Variants in CABLES1 observed in about 807,000 individuals in gnomAD.
The protein encoded by CABLES1 is CDK5 and ABL1 enzyme substrate 1.
CABLES1 carries 36 observed loss-of-function variants against 57.8 expected under a neutral mutation model. That is an observed-to-expected ratio of 0.62 (90% CI 0.48 to 0.82). CABLES1 has a LOEUF of 0.82. Among genes scored for constraint, CABLES1 ranks in the 40% least tolerant of loss-of-function variants. The pLI, the probability that CABLES1 is intolerant of heterozygous loss-of-function variation, is 0.00. For missense variants in CABLES1, 767 were observed against 836.6 expected (o/e 0.92, Z 1.03); for synonymous variants, 374 against 363.0 (o/e 1.03, Z -0.35).
chr18:23,192,853 A>T (rs2047254802), intron 2 of CABLES1, among the ~76,000 whole-genome samples: 1 of 152,100 alleles, frequency 6.6e-6, no homozygotes, highest in Admixed American at 6.6e-5. Flanking sequence ...CAGAGAGCAA[A>T]AGGCAGAGTG....
Position 23,188,883 on chromosome 18 carries a change from T to C in CABLES1, c.891T>C (p.Asp297=), listed in dbSNP as rs1443695616. 7.4e-6 allele frequency: 12 copies of C among 1,613,724 alleles called. No homozygotes were observed. Among genetic ancestry groups the C allele is most frequent in the Non-Finnish European group, 1.0e-5 (12 of 1,179,752 alleles). ...SQRSSLETLE[D]IEENAPLRRC... is the part of the protein sequence containing the mutation. ...GATCTTCCTTGGAGACCCTGGAAGATATTGAGGAGAACGCCCCTCTCCGGA... is the reference window on the plus strand; with the variant it reads ...GATCTTCCTTGGAGACCCTGGAAGACATTGAGGAGAACGCCCCTCTCCGGA... Residue 297 remains aspartate, a synonymous_variant, in exon 2 of 10, where the codon GAT becomes GAC. Coordinates refer to ENST00000256925, the MANE Select transcript of CABLES1 (RefSeq NM_001100619.3).
chr18:23,181,496 C>CAAAAAAAAAAAAAAAAAAAAAA (rs59742943), intron 1 of CABLES1, among the ~76,000 whole-genome samples: 1 of 35,398 alleles, frequency 2.8e-5, no homozygotes, highest in Non-Finnish European at 5.1e-5. Context: ...AGCTTCGTCT[C>CAAAAAAAAAAAAAAAAAAAAAA]AAAAAAAAAA....
At position 23,136,448 on chromosome 18, in the gene CABLES1, C is replaced by G. The variant is rs746391362; in HGVS notation, c.686C>G (p.Thr229Ser). The G allele has an allele frequency of 6.2e-7, 1 of 1,602,718 alleles. No homozygotes were observed. The highest frequency in any genetic ancestry group is 8.5e-7 in the Non-Finnish European group (1 of 1,176,386). The change falls in exon 1 of 10, where the codon ACC becomes AGC. Residue 229 changes from threonine (T) to serine (S), a missense_variant. Thr to Ser is a moderately conservative substitution (Grantham distance 58). This residue lies in a region of CABLES1 where 529 missense variants were observed against 622.8 expected (regional missense o/e 0.85). Coordinates refer to ENST00000256925, the MANE Select transcript of CABLES1 (RefSeq NM_001100619.3). ...GCGGCCGCCTTTTTGGGCTCCGGGA[C>G]CCCCGGGAGTGGGAGCGGCAGTCGG... ...VPAAAFLGSG[T>S]PGSGSGSRGR...
chr18:23,182,814 G>C (rs1010771028), intron 1 of CABLES1, among the ~76,000 whole-genome samples: 1 of 152,190 alleles, frequency 6.6e-6, no homozygotes, highest in Non-Finnish European at 1.5e-5. Context: ...GCCTTGATCA[G>C]CTTGCCCCAC....
intron 7 of CABLES1, among the ~76,000 whole-genome samples, chr18:23,249,922 T>G (rs1328777306): frequency 6.6e-6 from 1 of 152,212 alleles, no homozygotes; most frequent in African/African-American, 2.4e-5. Context: ...GAGACCAGGA[T>G]CCCAGCGCTG....
chr18:23,171,405 C>T (rs1209111468), intron 1 of CABLES1, among the ~76,000 whole-genome samples: 2 of 152,180 alleles, frequency 1.3e-5, no homozygotes, highest in South Asian at 2.1e-4. Context: ...TATAATGTGA[C>T]GAGCTCTGTC....
intron 1 of CABLES1, among the ~76,000 whole-genome samples, chr18:23,167,170 A>G (rs951611945): frequency 1.7e-4 from 26 of 151,956 alleles, no homozygotes; most frequent in Non-Finnish European, 3.5e-4. Context: ...TAATATTTTT[A>G]TGTTTGCTTA....
intron 7 of CABLES1, among the ~76,000 whole-genome samples, chr18:23,239,933 C>T (rs890465673): frequency 2.0e-5 from 3 of 152,120 alleles, no homozygotes; most frequent in Non-Finnish European, 2.9e-5. Flanking sequence ...GCCTGGCCAA[C>T]GTGGTAAAAC....
chr18:23,239,674 C>G (rs2047687470), intron 7 of CABLES1, among the ~76,000 whole-genome samples: 1 of 152,182 alleles, frequency 6.6e-6, no homozygotes, highest in African/African-American at 2.4e-5. Context: ...TGATTGAGGC[C>G]TTATTATGAG....
chr18:23,178,194 A>G (rs768857260), intron 1 of CABLES1, among the ~76,000 whole-genome samples: 8 of 150,722 alleles, frequency 5.3e-5, no homozygotes, highest in Non-Finnish European at 1.0e-4. Flanking sequence ...TCAGCCACAC[A>G]AAACCTTTTC....
intron 4 of CABLES1, among the ~76,000 whole-genome samples, chr18:23,215,462 G>T (rs1182119656): frequency 6.6e-6 from 1 of 152,218 alleles, no homozygotes; most frequent in Non-Finnish European, 1.5e-5. Context: ...CACCTCCAGG[G>T]TGTCTGTATT....
intron 2 of CABLES1, among the ~76,000 whole-genome samples, chr18:23,189,843 G>A (rs1405194473): frequency 6.6e-6 from 1 of 152,242 alleles, no homozygotes; most frequent in Non-Finnish European, 1.5e-5. Flanking sequence ...TCACTCCCAG[G>A]GCAGAGCCCA....
chr18:23,145,350 C>A lies in CABLES1; in HGVS notation c.845+8743C>A, dbSNP rs557723644. On this transcript the variant is annotated intron_variant, in intron 1 of 9. Transcript: ENST00000256925. ...CCTTGTGATCCACCCGTCTCGGCCT[C>A]CCAAAGTGCTGGGATTACAGGTGTG... 4.6e-5 allele frequency among the ~76,000 whole-genome samples: 7 copies of A among 152,070 alleles called. No homozygotes were observed. The East Asian group carries it at 1.3e-3, about 29-fold the overall frequency.
At chr18:23,151,435 A>G (rs926568385) in intron 1 of CABLES1, among the ~76,000 whole-genome samples, 2 of 152,192 alleles carry the variant, frequency 1.3e-5, no homozygotes, top group African/African-American at 4.8e-5. Flanking sequence ...TGAGACACAC[A>G]GTAGCCTGGA....
chr18:23,226,461 A>G (rs1159317846), intron 4 of CABLES1, among the ~76,000 whole-genome samples: 2 of 150,330 alleles, frequency 1.3e-5, no homozygotes, highest in Admixed American at 6.6e-5. Context: ...AAGAGGAGAG[A>G]CTCAACTTCC....
intron 1 of CABLES1, among the ~76,000 whole-genome samples, chr18:23,163,346 A>G (rs1756424870): frequency 6.6e-6 from 1 of 152,226 alleles, no homozygotes; most frequent in African/African-American, 2.4e-5. Flanking sequence ...TTTAGGCATC[A>G]TCAGTATGTA....
intron 1 of CABLES1, among the ~76,000 whole-genome samples, chr18:23,178,523 T>C (rs940122265): frequency 1.3e-5 from 2 of 152,238 alleles, no homozygotes; most frequent in African/African-American, 2.4e-5. Flanking sequence ...TGTTCTGACC[T>C]TCCCTCTAGA....
intron 4 of CABLES1, among the ~76,000 whole-genome samples, chr18:23,226,779 T>C (rs187866967): frequency 6.6e-6 from 1 of 152,234 alleles, no homozygotes; most frequent in East Asian, 1.9e-4. Context: ...GAGATCTGGA[T>C]GTGGGTTGGT....
chr18:23,240,511 C>G (rs1469147527), intron 7 of CABLES1, among the ~76,000 whole-genome samples: 2 of 152,236 alleles, frequency 1.3e-5, no homozygotes, highest in African/African-American at 2.4e-5. Flanking sequence ...GTGGAATGCC[C>G]TCTTTGAGGG....
Sources: allele counts gnomAD v4.1 joint callset (sites outside exome capture counted in the v4.1 genomes callset), GRCh38; gene constraint gnomAD v4.1.1; regional missense constraint gnomAD v4.1.1; transcripts MANE v1.5; gene names NCBI Gene and HGNC (gene_info 2026-07-23, HGNC 2026-07-21).